The following DGKH variants were observed in gnomAD, a reference collection of about 807,000 sequenced individuals.
DGKH encodes the protein DAG kinase eta.
Under a neutral mutation model 159.3 loss-of-function variants are expected in DGKH, and 90 were observed. The observed-to-expected ratio is 0.57, with a 90% CI of 0.48 to 0.67. The LOEUF (loss-of-function observed/expected upper bound fraction) is 0.67. Among genes scored for constraint, DGKH ranks in the 30% least tolerant of loss-of-function variants. DGKH has a pLI of 0.00. For synonymous variants in DGKH, 536 were observed against 553.8 expected (o/e 0.97, Z 0.45); for missense variants, 1,181 against 1,506.1 (o/e 0.78, Z 3.57).
Position 42,255,019 on chromosome 13 carries a change from T to C in DGKH, n.4128-1265T>C, listed in dbSNP as rs543157260. Among the ~76,000 whole-genome samples the C allele has an allele frequency of 3.9e-5, 6 of 152,194 alleles. No individual in the cohort carries two copies. The South Asian group carries it at 1.2e-3, about 32-fold the overall frequency. ...TATTGACTAATTGTTGAAAATATCT[T>C]GTATATATTGGGGTAAATAAAATCT... is the stretch of plus-strand genomic sequence containing the variant. On this transcript the variant is annotated intron_variant and non_coding_transcript_variant, in intron 30 of 30. Coordinates refer to the DGKH transcript ENST00000498255.
intron 1 of DGKH, among the ~76,000 whole-genome samples, chr13:42,126,821 C>T (rs1033029063): frequency 2.0e-5 from 3 of 152,118 alleles, no homozygotes; most frequent in African/African-American, 4.8e-5. Flanking sequence ...GCTTTGACTC[C>T]CTCTGAGGCG....
At chr13:42,151,975 A>G (rs1291185103) in intron 3 of DGKH, among the ~76,000 whole-genome samples, 2 of 151,992 alleles carry the variant, frequency 1.3e-5, no homozygotes, top group Non-Finnish European at 2.9e-5. Context: ...TTGACTTTTT[A>G]ATGACTGCTC....
chr13:42,213,767 C>T (rs1156780073), intron 24 of DGKH, among the ~76,000 whole-genome samples: 2 of 152,190 alleles, frequency 1.3e-5, no homozygotes, highest in Non-Finnish European at 2.9e-5. Context: ...AACAGCCCTG[C>T]CTTCTTGCTC....
rs1471141267 is a variant in DGKH at position 42,236,123 on chromosome 13, T to G, written c.*6935T>G. ...GCAGTGCTGGTGTCAGCAAAGTCAGTAACAGACAGTATTACTTGTAATCAT... is the reference window on the plus strand; with the variant it reads ...GCAGTGCTGGTGTCAGCAAAGTCAGGAACAGACAGTATTACTTGTAATCAT... On this transcript the variant is annotated 3_prime_UTR_variant, in exon 30 of 30. Transcript: ENST00000337343. 6.6e-6 allele frequency: 1 copy of G among 152,222 alleles called. No individual in the cohort carries two copies. The highest frequency in any genetic ancestry group is 1.5e-5 in the Non-Finnish European group (1 of 68,032). The allele number at this position is 152,222 out of a possible 1,614,324, so 9.4% of individuals were successfully genotyped here.
chr13:42,173,551 G>T (rs1282440513), intron 11 of DGKH, among the ~76,000 whole-genome samples: 1 of 152,152 alleles, frequency 6.6e-6, no homozygotes, highest in Non-Finnish European at 1.5e-5. Flanking sequence ...TTTTATGTAT[G>T]TATAAGCTGA....
chr13:42,086,412 C>A (rs1341489481), intron 1 of DGKH, among the ~76,000 whole-genome samples: 1 of 152,116 alleles, frequency 6.6e-6, no homozygotes, highest in Non-Finnish European at 1.5e-5. Flanking sequence ...AGCCTGAAAG[C>A]TATGATAACT....
chr13:42,097,795 G>T (rs77373330), intron 1 of DGKH, among the ~76,000 whole-genome samples: 3 of 152,086 alleles, frequency 2.0e-5, no homozygotes, highest in African/African-American at 7.2e-5. Flanking sequence ...GGTGCAGGGG[G>T]TGTGTAAGGG....
intron 1 of DGKH, among the ~76,000 whole-genome samples, chr13:42,078,670 T>C (rs991744780): frequency 2.6e-5 from 4 of 152,046 alleles, no homozygotes; most frequent in African/African-American, 9.7e-5. Context: ...AACTGAAGCA[T>C]AAAACTGAAA....
chr13:42,067,115 A>G (rs1882635827), intron 1 of DGKH, among the ~76,000 whole-genome samples: 1 of 152,160 alleles, frequency 6.6e-6, no homozygotes, highest in Non-Finnish European at 1.5e-5. Flanking sequence ...GGTTTGCAGG[A>G]ACCTAAACCT....
chr13:42,151,287 TTA>T (rs1028511159), intron 3 of DGKH, among the ~76,000 whole-genome samples: 1 of 151,862 alleles, frequency 6.6e-6, no homozygotes, highest in African/African-American at 2.4e-5. Flanking sequence ...CTTCCACCCT[TTA>T]GAGTCTCCAG....
chr13:42,102,871 A>G (rs1954677302), intron 1 of DGKH, among the ~76,000 whole-genome samples: 1 of 152,218 alleles, frequency 6.6e-6, no homozygotes, highest in South Asian at 2.1e-4. Flanking sequence ...TGGAGAAAGC[A>G]TGGCTTTTTG....
intron 25 of DGKH, among the ~76,000 whole-genome samples, chr13:42,215,004 A>T (rs147452706): frequency 2.7e-3 from 404 of 152,226 alleles, no homozygotes; most frequent in African/African-American, 9.4e-3. Flanking sequence ...GAAGTTATGC[A>T]CTGAAATTAT....
intron 6 of DGKH, among the ~76,000 whole-genome samples, chr13:42,159,765 T>G (rs975179441): frequency 2.0e-5 from 3 of 152,192 alleles, no homozygotes; most frequent in Non-Finnish European, 4.4e-5. Context: ...AGTGATCACT[T>G]TATTGTAATC....
intron 1 of DGKH, among the ~76,000 whole-genome samples, chr13:42,109,671 CGTGTGT>C (rs765879320): frequency 3.0e-5 from 4 of 132,260 alleles, no homozygotes; most frequent in South Asian, 2.4e-4. Flanking sequence ...CGTGTGTGTG[CGTGTGT>C]GTGTGTGTGT....
At chr13:42,069,261 C>T (rs1228380454) in intron 1 of DGKH, 2 of 1,092,814 alleles carry the variant, frequency 1.8e-6, no homozygotes, top group Non-Finnish European at 2.7e-6. Context: ...TCTTACTTCA[C>T]AAAACTGATT....
intron 3 of DGKH, among the ~76,000 whole-genome samples, chr13:42,133,063 T>C (rs1418970012): frequency 6.6e-6 from 1 of 151,268 alleles, no homozygotes. Context: ...CCCAGCTACT[T>C]GGGTGGCTGA....
rs2138313299 is a variant in DGKH, at chr13:42,237,572, A to G, written c.*8384A>G. 6.6e-6 allele frequency: 1 copy of G among 152,388 alleles called. No homozygotes were observed. The highest frequency in any genetic ancestry group is 1.9e-4 in the East Asian group (1 of 5,196). 9.4% of individuals were successfully genotyped at this position (152,388 alleles called of 1,614,324 possible). On this transcript the variant is annotated 3_prime_UTR_variant, in exon 30 of 30. Coordinates refer to ENST00000337343, the MANE Select transcript of DGKH (RefSeq NM_178009.5). ...TGTATAGTGTGCTGAGCACACCCCC[A>G]GAAAACAAAAAATATCACATTGATG...
rs1444400794 is a variant in DGKH at position 42,071,078 on chromosome 13, C to A, written c.192+22113C>A. On this transcript the variant is annotated intron_variant, in intron 1 of 29. Coordinates refer to ENST00000337343, the MANE Select transcript of DGKH (RefSeq NM_178009.5). ...AAACCATGAATGTTCATGAGACTTT[C>A]AAATTTCTCTGCCACTTTGAAACCC... 5 of 1,127,700 alleles carry A rather than the reference C, an allele frequency of 4.4e-6. No individual in the cohort carries two copies. In the Admixed American group the frequency reaches 1.0e-4, roughly 23 times the overall value. The allele number at this position is 1,127,700 out of a possible 1,614,324, so 69.9% of individuals were successfully genotyped here.
intron 13 of DGKH, among the ~76,000 whole-genome samples, chr13:42,182,548 A>G (rs1174922975): frequency 6.6e-6 from 1 of 152,224 alleles, no homozygotes; most frequent in Non-Finnish European, 1.5e-5. Context: ...TAGATTATTT[A>G]TAATAACAAA....
Sources: allele counts gnomAD v4.1 joint callset (sites outside exome capture counted in the v4.1 genomes callset), GRCh38; gene constraint gnomAD v4.1.1; transcripts MANE v1.5; gene names NCBI Gene and HGNC (gene_info 2026-07-23, HGNC 2026-07-21).